Variants in NDUFAF2 observed in about 807,000 individuals in gnomAD.
The protein encoded by NDUFAF2 is NADH dehydrogenase [ubiquinone] 1 alpha subcomplex assembly factor 2.
NDUFAF2 carries 13 observed loss-of-function variants against 22.8 expected under a neutral mutation model. That is an observed-to-expected ratio of 0.57 (90% CI 0.37 to 0.91). The LOEUF (loss-of-function observed/expected upper bound fraction) is 0.91, where lower values mean the gene tolerates loss of function less well. NDUFAF2 is among the 40% of genes least tolerant of loss of function. The pLI is 0.01. For missense variants in NDUFAF2, 162 were observed against 195.2 expected (o/e 0.83, Z 1.01); for synonymous variants, 53 against 64.2 (o/e 0.83, Z 0.84).
In NDUFAF2 at chr5:60,968,283, A is replaced by G. The variant is rs148373733; in HGVS notation, c.127+22901A>G. Among the ~76,000 whole-genome samples, 1,329 of 151,778 alleles carry G rather than the reference A, an allele frequency of 8.8e-3. 10 individuals carry two copies. The highest frequency in any genetic ancestry group is 0.014 in the Non-Finnish European group (921 of 67,794). On this transcript the variant is annotated intron_variant, in intron 1 of 3. Transcript: ENST00000296597. The stretch of plus-strand genomic sequence containing the variant: ...TTTTAAAAAATCTTTTAGAAAACCA[A>G]TTTCTTAGTTTCACTGATCATATCT...
chr5:61,095,517 C>T (rs747436579), intron 2 of NDUFAF2, among the ~76,000 whole-genome samples: 1 of 152,190 alleles, frequency 6.6e-6, no homozygotes, highest in Non-Finnish European at 1.5e-5. Flanking sequence ...ATTCAGCCTT[C>T]TTCCTAGGGG....
chr5:61,060,970 T>C (rs538067520), intron 1 of NDUFAF2, among the ~76,000 whole-genome samples: 1 of 152,212 alleles, frequency 6.6e-6, no homozygotes, highest in Admixed American at 6.5e-5. Context: ...AGGAAAGGAA[T>C]AGTGGCTCAG....
intron 1 of NDUFAF2, among the ~76,000 whole-genome samples, chr5:61,010,506 C>T (rs1751430096): frequency 6.6e-6 from 1 of 152,042 alleles, no homozygotes; most frequent in Admixed American, 6.6e-5. Context: ...ACCTCTCATC[C>T]TTTATCTCTC....
rs576092174 is a variant in NDUFAF2, at chr5:61,150,385, A to G, written c.259-2319A>G. Among the ~76,000 whole-genome samples the G allele has an allele frequency of 2.0e-5, 3 of 152,322 alleles. No individual in the cohort carries two copies. In the East Asian group the frequency reaches 5.8e-4, roughly 29 times the overall value. ...TTTTTTAGGAAAAACTATAGTCTCC[A>G]TATTTTTTAACTCTGAAATCTTTAA... On this transcript the variant is annotated intron_variant, in intron 3 of 3. Transcript: ENST00000296597.
intron 1 of NDUFAF2, among the ~76,000 whole-genome samples, chr5:60,970,374 T>C (rs556334894): frequency 1.3e-5 from 2 of 152,284 alleles, no homozygotes; most frequent in South Asian, 4.1e-4. Context: ...TATCATTCTA[T>C]TTTTTTGCAT....
Position 60,951,869 on chromosome 5 carries a change from A to G in NDUFAF2, c.127+6487A>G, listed in dbSNP as rs542019859. 1.6e-3 allele frequency among the ~76,000 whole-genome samples: 237 copies of G among 152,120 alleles called. 1 individual carries two copies. The highest frequency in any genetic ancestry group is 5.5e-3 in the African/African-American group (229 of 41,530). ...CTGGAATTAAAAATTCAAAGATAAT[A>G]AATTTTTAACCTACAAATTTAATAT... On this transcript the variant is annotated intron_variant, in intron 1 of 3. Transcript: ENST00000296597.
intron 2 of NDUFAF2, among the ~76,000 whole-genome samples, chr5:61,075,361 G>A (rs1311989036): frequency 2.0e-5 from 3 of 151,926 alleles, no homozygotes; most frequent in Non-Finnish European, 4.4e-5. Context: ...ATAAAAATAA[G>A]TAGATACCAA....
chr5:61,048,203 A>G (rs1244054887), intron 1 of NDUFAF2, among the ~76,000 whole-genome samples: 1 of 152,028 alleles, frequency 6.6e-6, no homozygotes, highest in Non-Finnish European at 1.5e-5. Context: ...TCCCTTTACA[A>G]TTTGGAGAGT....
At chr5:61,079,696 C>G (rs1416974883) in intron 2 of NDUFAF2, among the ~76,000 whole-genome samples, 1 of 152,164 alleles carries the variant, frequency 6.6e-6, no homozygotes, top group South Asian at 2.1e-4. Flanking sequence ...TCATAGATGC[C>G]TTTATCAAGT....
chr5:61,073,091 A>C (rs962156646), intron 1 of NDUFAF2, 34 bp from the exon 2 acceptor site: 1 of 1,347,900 alleles, frequency 7.4e-7, no homozygotes, highest in Non-Finnish European at 1.1e-6. Context: ...TCATAGGTTC[A>C]TTTAAAAATG....
At chr5:61,123,113 A>G (rs1752995758) in intron 3 of NDUFAF2, among the ~76,000 whole-genome samples, 1 of 152,140 alleles carries the variant, frequency 6.6e-6, no homozygotes, top group Non-Finnish European at 1.5e-5. Flanking sequence ...CCAACTCCAG[A>G]ACACACCTTT....
chr5:61,144,424 G>A (rs1741105146), intron 3 of NDUFAF2, among the ~76,000 whole-genome samples: 1 of 152,006 alleles, frequency 6.6e-6, no homozygotes, highest in Non-Finnish European at 1.5e-5. Context: ...TTTATAATTT[G>A]CATAATTTGT....
chr5:61,002,014 G>A (rs1320360345), intron 1 of NDUFAF2, among the ~76,000 whole-genome samples: 7 of 152,122 alleles, frequency 4.6e-5, no homozygotes, highest in Non-Finnish European at 7.4e-5. Flanking sequence ...GCAGTGTAGG[G>A]TGGTGCAAGC....
At chr5:61,102,291 A>T (rs1375088931) in intron 3 of NDUFAF2, among the ~76,000 whole-genome samples, 1 of 152,192 alleles carries the variant, frequency 6.6e-6, no homozygotes, top group Admixed American at 6.6e-5. Flanking sequence ...CTTTAAAACT[A>T]TAGTTATCTA....
chr5:61,073,018 T>A, intron 1 of NDUFAF2, 107 bp from the exon 2 acceptor site: 1 of 735,012 alleles, frequency 1.4e-6, no homozygotes, highest in Non-Finnish European at 2.4e-6. Flanking sequence ...TTCCTGTTAA[T>A]TTAATTCTTT....
intron 3 of NDUFAF2, among the ~76,000 whole-genome samples, chr5:61,100,493 T>C (rs1421560160): frequency 6.6e-6 from 1 of 151,506 alleles, no homozygotes; most frequent in Admixed American, 6.6e-5. Context: ...TTAAGTGTAC[T>C]ATCAATCACA....
intron 1 of NDUFAF2, among the ~76,000 whole-genome samples, chr5:60,983,735 G>A (rs1449654136): frequency 6.6e-6 from 1 of 150,614 alleles, no homozygotes; most frequent in East Asian, 2.0e-4. Context: ...ATTTCTGAGG[G>A]CTCTGTTCTG....
intron 2 of NDUFAF2, among the ~76,000 whole-genome samples, chr5:61,090,676 CTT>C (rs1443119932): frequency 2.6e-5 from 4 of 151,804 alleles, no homozygotes; most frequent in Non-Finnish European, 5.9e-5. Context: ...ACATAAGTAA[CTT>C]TATTTTTAAA....
intron 1 of NDUFAF2, among the ~76,000 whole-genome samples, chr5:61,063,503 CAAAA>C (rs1490341749): frequency 6.6e-6 from 1 of 151,802 alleles, no homozygotes; most frequent in Non-Finnish European, 1.5e-5. Context: ...GACCCTGTCT[CAAAA>C]CAAACAAACA....
Sources: gnomAD v4.1 joint callset for allele counts (sites outside exome capture counted in the v4.1 genomes callset) on GRCh38, gnomAD v4.1.1 for gene constraint, MANE v1.5 for transcripts, NCBI Gene and HGNC (gene_info 2026-07-23, HGNC 2026-07-21) for gene names.